The following C13orf42 variants were observed in gnomAD, a reference collection of about 807,000 sequenced individuals.
C13orf42 encodes chromosome 13 open reading frame 42.
At chr13:51,128,920 GAGGCTTCCCCAGTTA>G (rs1226332725) in intron 1 of C13orf42, among the ~76,000 whole-genome samples, 4 of 152,136 alleles carry the variant, frequency 2.6e-5, no homozygotes, top group African/African-American at 4.8e-5. Context: ...AGGGACAATA[GAGGCTTCCCCAGTTA>G]AGTCTGTTTA....
chr13:51,166,669 G>A (rs988010576), intron 1 of C13orf42, among the ~76,000 whole-genome samples: 1 of 151,192 alleles, frequency 6.6e-6, no homozygotes, highest in African/African-American at 2.4e-5. Context: ...TTTTGACTTT[G>A]AAATAGCATA....
chr13:51,108,468 C>G (rs748160770), intron 1 of C13orf42, among the ~76,000 whole-genome samples: 2 of 152,186 alleles, frequency 1.3e-5, no homozygotes, highest in Non-Finnish European at 2.9e-5. Context: ...ATGGGCCACC[C>G]CACCAGCCAT....
intron 1 of C13orf42, among the ~76,000 whole-genome samples, chr13:51,104,616 A>G (rs1188507073): frequency 2.0e-5 from 3 of 152,230 alleles, no homozygotes; most frequent in African/African-American, 7.2e-5. Context: ...GTTATGTTAC[A>G]TTTATTGTAC....
intron 1 of C13orf42, among the ~76,000 whole-genome samples, chr13:51,104,774 TAA>T (rs11336196): frequency 0.021 from 2,939 of 140,616 alleles, 37 homozygotes; most frequent in African/African-American, 0.038. Flanking sequence ...GCTATTATAT[TAA>T]AAAAAAAAAA....
intron 1 of C13orf42, among the ~76,000 whole-genome samples, chr13:51,135,073 T>C (rs1355490661): frequency 4.6e-5 from 7 of 152,058 alleles, no homozygotes; most frequent in African/African-American, 1.7e-4. Context: ...TCTTGAACCC[T>C]CGGGAGGCCT....
chr13:51,166,858 T>A (rs1051947301), intron 1 of C13orf42, among the ~76,000 whole-genome samples: 1 of 152,010 alleles, frequency 6.6e-6, no homozygotes, highest in Non-Finnish European at 1.5e-5. Flanking sequence ...GCGGGCGCAT[T>A]GCCTGAGGTC....
chr13:51,167,041 T>C (rs570347784), intron 1 of C13orf42, among the ~76,000 whole-genome samples: 31 of 151,706 alleles, frequency 2.0e-4, no homozygotes, highest in Non-Finnish European at 1.3e-4. Context: ...ATCGTGCCAC[T>C]GCACTCCAGC....
At chr13:51,143,596 T>C (rs977940727) in intron 1 of C13orf42, among the ~76,000 whole-genome samples, 1 of 152,226 alleles carries the variant, frequency 6.6e-6, no homozygotes, top group Non-Finnish European at 1.5e-5. Flanking sequence ...TCTCAAAGAA[T>C]GAAGGTTTTC....
intron 1 of C13orf42, among the ~76,000 whole-genome samples, chr13:51,107,892 G>A (rs1953377962): frequency 6.6e-6 from 1 of 152,174 alleles, no homozygotes; most frequent in African/African-American, 2.4e-5. Flanking sequence ...GAAGAGAAGA[G>A]GCTAATTCTA....
At chr13:51,115,097 A>G (rs886068659), upstream of C13orf42, among the ~76,000 whole-genome samples, 6 of 152,252 alleles carry the variant, frequency 3.9e-5, no homozygotes, top group African/African-American at 9.6e-5. Context: ...TTATAGGAAT[A>G]TAAAAATATG....
At chr13:51,145,428 A>C (rs7337560) in intron 1 of C13orf42, among the ~76,000 whole-genome samples, 93,743 of 151,986 alleles carry the variant, frequency 0.62, 29,211 homozygotes, top group African/African-American at 0.7. Context: ...TAAAAATGAG[A>C]TTTCCAGACC....
intron 1 of C13orf42, among the ~76,000 whole-genome samples, chr13:51,151,159 C>A (rs1326400204): frequency 6.6e-6 from 1 of 152,084 alleles, no homozygotes; most frequent in Non-Finnish European, 1.5e-5. Flanking sequence ...GTTACATATG[C>A]GAATATGTTA....
At chr13:51,137,173 T>A (rs2138026839) in intron 1 of C13orf42, among the ~76,000 whole-genome samples, 1 of 152,298 alleles carries the variant, frequency 6.6e-6, no homozygotes, top group East Asian at 1.9e-4. Flanking sequence ...ATTATGCAAA[T>A]TATTTATATT....
chr13:51,130,532 AG>A (rs1317955511), intron 1 of C13orf42, among the ~76,000 whole-genome samples: 2 of 152,182 alleles, frequency 1.3e-5, no homozygotes, highest in African/African-American at 4.8e-5. Context: ...GAATTTATAA[AG>A]GGGATTTATG....
intron 1 of C13orf42, among the ~76,000 whole-genome samples, chr13:51,106,686 C>T (rs552452865): frequency 3.3e-5 from 5 of 152,206 alleles, no homozygotes; most frequent in Non-Finnish European, 4.4e-5. Context: ...TAGAGGAGAA[C>T]ATCATTGCTC....
chr13:51,116,591 A>C (rs1004642285), intron 1 of C13orf42, among the ~76,000 whole-genome samples: 1 of 152,212 alleles, frequency 6.6e-6, no homozygotes, highest in African/African-American at 2.4e-5. Flanking sequence ...CTTAGAACAG[A>C]AGATGATGTG....
At chr13:51,103,722 C>T (rs1953317861) in intron 1 of C13orf42, among the ~76,000 whole-genome samples, 1 of 152,076 alleles carries the variant, frequency 6.6e-6, no homozygotes, top group Non-Finnish European at 1.5e-5. Context: ...AGAAAGGAAG[C>T]TCTGACACAA....
chr13:51,157,825 A>G (rs1429538484), intron 1 of C13orf42, among the ~76,000 whole-genome samples: 1 of 152,240 alleles, frequency 6.6e-6, no homozygotes, highest in East Asian at 1.9e-4. Context: ...GAACTTGACA[A>G]TTAAATATTG....
rs533871156 is a variant in C13orf42 at position 51,155,659 on chromosome 13, C to T, written n.136+16594G>A. Among the ~76,000 whole-genome samples the T allele has an allele frequency of 2.9e-3, 439 of 152,344 alleles. 1 individual carries two copies. Among genetic ancestry groups the T allele is most frequent in the Non-Finnish European group, 5.2e-3 (355 of 68,034 alleles). On this transcript the variant is annotated intron_variant and non_coding_transcript_variant, in intron 1 of 4. Transcript: ENST00000433280. ...TACCTCTCACACTCGCTGCACACTT[C>T]CTTTCTCAGTATATTTCCAAGTGGA...
Sources: allele counts gnomAD v4.1 joint callset (sites outside exome capture counted in the v4.1 genomes callset), GRCh38; gene constraint gnomAD v4.1.1; transcripts MANE v1.5; gene names NCBI Gene and HGNC (gene_info 2026-07-23, HGNC 2026-07-21).